The following ROR1 variants were observed in gnomAD, a reference collection of about 807,000 sequenced individuals.
ROR1 encodes the protein inactive tyrosine-protein kinase transmembrane receptor ROR1.
Under a neutral mutation model 78.8 loss-of-function variants are expected in ROR1, and 19 were observed. The observed-to-expected ratio is 0.24, with a 90% confidence interval of 0.17 to 0.35. ROR1 has a LOEUF of 0.35. Among genes scored for constraint, ROR1 ranks in the 10% least tolerant of loss-of-function variants. ROR1 has a pLI of 1.00. For synonymous variants in ROR1, 386 were observed against 433.6 expected, an observed-to-expected ratio of 0.89 and a Z score of 1.36; for missense variants, 917 against 1,177.8, an observed-to-expected ratio of 0.78 and a Z score of 3.24.
intron 1 of ROR1, among the ~76,000 whole-genome samples, chr1:63,989,385 A>G (rs1353214785): frequency 1.3e-5 from 2 of 152,144 alleles, no homozygotes; most frequent in African/African-American, 4.8e-5. Context: ...TTAGTTCACC[A>G]TCTGAAAATA....
intron 1 of ROR1, among the ~76,000 whole-genome samples, chr1:63,912,107 T>C (rs1645575100): frequency 7.7e-6 from 1 of 130,122 alleles, no homozygotes; most frequent in African/African-American, 2.9e-5. Context: ...AGAAACAGAG[T>C]GAGATCCCCA....
At chr1:64,177,003 C>T (rs1157366421) in intron 8 of ROR1, among the ~76,000 whole-genome samples, 3 of 152,196 alleles carry the variant, frequency 2.0e-5, no homozygotes, top group Non-Finnish European at 4.4e-5. Context: ...CTCTGAGTAC[C>T]AGGCTGTAGC....
chr1:64,139,471 G>C (rs762951745), intron 5 of ROR1, among the ~76,000 whole-genome samples: 10 of 152,106 alleles, frequency 6.6e-5, no homozygotes, highest in Non-Finnish European at 1.3e-4. Context: ...AAGGTAGGCT[G>C]GTGCGCTTTT....
At chr1:63,877,466 C>T (rs1230662764) in intron 1 of ROR1, among the ~76,000 whole-genome samples, 1 of 152,056 alleles carries the variant, frequency 6.6e-6, no homozygotes, top group Non-Finnish European at 1.5e-5. Flanking sequence ...AGATCTGGCA[C>T]TTGGCAAGAG....
Position 63,774,390 on chromosome 1 carries a change from C to A in ROR1, c.-28C>A, listed in dbSNP as rs1335281714. 3 of 1,250,890 alleles carry A rather than the reference C, an allele frequency of 2.4e-6. No individual in the cohort carries two copies. The highest frequency in any genetic ancestry group is 3.7e-5 in the Admixed American group (1 of 27,042). 77.5% of individuals were successfully genotyped at this position (1,250,890 alleles called of 1,614,324 possible). ...GTTCTGCGCGCGGCCTGGGAGCCGCCGCCGCCGCCGCCTCAGCGAGAGGAG... is the reference window on the plus strand; with the variant it reads ...GTTCTGCGCGCGGCCTGGGAGCCGCAGCCGCCGCCGCCTCAGCGAGAGGAG... On this transcript the variant is annotated 5_prime_UTR_variant, in exon 1 of 9. Transcript: ENST00000371079. The surrounding 1 kb of genome is among the most constrained non-coding windows in gnomAD (Gnocchi z 5.7).
intron 2 of ROR1, among the ~76,000 whole-genome samples, chr1:64,023,003 ACT>A (rs1442129093): frequency 1.3e-5 from 2 of 151,930 alleles, no homozygotes; most frequent in African/African-American, 4.8e-5. Flanking sequence ...GTAATGGAAA[ACT>A]CTAATAATGC....
At chr1:63,786,035 C>A (rs946739582) in intron 1 of ROR1, among the ~76,000 whole-genome samples, 1 of 151,912 alleles carries the variant, frequency 6.6e-6, no homozygotes, top group Non-Finnish European at 1.5e-5. Flanking sequence ...GTCCTTTTTC[C>A]CCACTGAGGA....
At chr1:63,822,495 C>A (rs1273422841) in intron 1 of ROR1, among the ~76,000 whole-genome samples, 3 of 151,690 alleles carry the variant, frequency 2.0e-5, no homozygotes, top group African/African-American at 7.3e-5. Context: ...GAGAAAAGAG[C>A]AAAGATGTAA....
chr1:64,142,745 G>T, intron 7 of ROR1, 95 bp downstream of exon 7: 1 of 1,538,894 alleles, frequency 6.5e-7, no homozygotes. Context: ...GGGGGGCAAA[G>T]AAAATGGACA....
chr1:64,136,762 T>C (rs531579545), intron 4 of ROR1, among the ~76,000 whole-genome samples: 4 of 152,310 alleles, frequency 2.6e-5, no homozygotes, highest in South Asian at 2.1e-4. Context: ...TCCATGGACA[T>C]TTTCTCTAGA....
At chr1:63,994,572 G>A (rs993938610) in intron 1 of ROR1, among the ~76,000 whole-genome samples, 1 of 152,186 alleles carries the variant, frequency 6.6e-6, no homozygotes, top group African/African-American at 2.4e-5. Context: ...GAGAAGGCTT[G>A]TGGGGAAAGG....
chr1:64,018,320 T>C (rs1045829402), intron 2 of ROR1, among the ~76,000 whole-genome samples: 14 of 152,184 alleles, frequency 9.2e-5, no homozygotes, highest in African/African-American at 3.1e-4. Context: ...CCTTTGCTTG[T>C]TGTGCTCTAA....
intron 2 of ROR1, among the ~76,000 whole-genome samples, chr1:64,032,340 C>CAAAAA (rs66602515): frequency 3.9e-5 from 3 of 76,340 alleles, no homozygotes; most frequent in Admixed American, 1.7e-4. Flanking sequence ...GACTCCGTCT[C>CAAAAA]AAAAAAAAAA....
intron 7 of ROR1, among the ~76,000 whole-genome samples, chr1:64,157,725 G>A (rs1557678298): frequency 6.6e-6 from 1 of 152,080 alleles, no homozygotes. Context: ...GCATTTACAG[G>A]ACATGTCATT....
chr1:64,042,954 A>G (rs950656579), intron 2 of ROR1, among the ~76,000 whole-genome samples: 1 of 151,986 alleles, frequency 6.6e-6, no homozygotes, highest in African/African-American at 2.4e-5. Context: ...CATGTTGGGA[A>G]CCTCCTCCCT....
At chr1:64,143,410 A>G in intron 7 of ROR1, 2 of 982,594 alleles carry the variant, frequency 2.0e-6, no homozygotes, top group Non-Finnish European at 2.4e-6. Context: ...GGAGTTAGGA[A>G]CTATTTTGGA....
At chr1:63,837,958 G>A (rs1231822056) in intron 1 of ROR1, among the ~76,000 whole-genome samples, 1 of 152,150 alleles carries the variant, frequency 6.6e-6, no homozygotes. Flanking sequence ...TGGTCCAATA[G>A]GGTTATAATG....
At chr1:64,166,840 G>T (rs1171503550) in intron 8 of ROR1, among the ~76,000 whole-genome samples, 1 of 152,102 alleles carries the variant, frequency 6.6e-6, no homozygotes, top group Non-Finnish European at 1.5e-5. Flanking sequence ...AGTGAGGGCT[G>T]GGAGGCTGCC....
intron 2 of ROR1, among the ~76,000 whole-genome samples, chr1:64,030,231 A>G (rs1319122089): frequency 6.6e-6 from 1 of 152,132 alleles, no homozygotes; most frequent in Non-Finnish European, 1.5e-5. Context: ...TAGATAAGAG[A>G]AATGCTTGTG....
Sources: gnomAD v4.1 joint callset for allele counts (sites outside exome capture counted in the v4.1 genomes callset) on GRCh38, gnomAD v4.1.1 for gene constraint, Gnocchi (gnomAD v3.1) non-coding constraint, MANE v1.5 for transcripts, NCBI Gene and HGNC (gene_info 2026-07-23, HGNC 2026-07-21) for gene names.